Variants in LRP1 observed in about 807,000 individuals in gnomAD.
The protein encoded by LRP1 is LDL receptor related protein 1.
In LRP1, 51 loss-of-function variants were observed where a neutral mutation model predicts 541.5. The observed-to-expected ratio is 0.09, with a 90% CI of 0.08 to 0.12. LRP1 has a LOEUF of 0.12. LRP1 is among the 10% of genes least tolerant of loss of function. The pLI, the probability that LRP1 is intolerant of heterozygous loss-of-function variation, is 1.00. For missense variants in LRP1, 3,878 were observed against 6,376.2 expected (o/e 0.61, Z 13.34); for synonymous variants, 2,219 against 2,470.8 (o/e 0.90, Z 3.02).
In LRP1 at chr12:57,177,644, G is replaced by A. The variant is rs2036074784; in HGVS notation, c.4361+53G>A. On this transcript the variant is annotated intron_variant, in intron 26 of 88. Transcript: ENST00000243077. This position sits in a 1 kb window ranked among gnomAD's most constrained non-coding sequence, Gnocchi z 6.8. ...CCCAAGTCTGTGGCACCAGGACGGGGTGGGGAGGAACCTGTGGTGATGAGG... is the reference window on the plus strand; with the variant it reads ...CCCAAGTCTGTGGCACCAGGACGGGATGGGGAGGAACCTGTGGTGATGAGG... The A allele has an allele frequency of 6.3e-7, 1 of 1,595,244 alleles. No individual in the cohort carries two copies. The highest frequency in any genetic ancestry group is 2.2e-5 in the East Asian group (1 of 44,446).
Position 57,159,881 on chromosome 12 carries a change from A to G in LRP1, c.1855A>G (p.Thr619Ala). The G allele has an allele frequency of 6.2e-7, 1 of 1,614,136 alleles. No individual in the cohort carries two copies. Among genetic ancestry groups the G allele is most frequent in the Non-Finnish European group, 8.5e-7 (1 of 1,180,018 alleles). The stretch of plus-strand genomic sequence containing the variant: ...CTGGATGGGAGACAATCTGTACTGG[A>G]CGGACGATGGGCCCAAAAAGACAAT... ...VDWMGDNLYW[T>A]DDGPKKTISV... The change falls in exon 12 of 89, where the codon ACG (threonine) becomes GCG (alanine). Residue 619 changes from threonine to alanine, a missense_variant. Thr to Ala is a moderately conservative substitution (Grantham distance 58). Transcript: ENST00000243077.
In LRP1 at chr12:57,200,015, C is replaced by T. The variant is rs1232318740; in HGVS notation, c.10004C>T (p.Thr3335Met). Residue 3335 changes from threonine (T) to methionine (M), a missense_variant, in exon 62 of 89, where the codon ACG (threonine) becomes ATG (methionine). Physicochemically the swap from Thr to Met is moderately conservative, Grantham distance 81 (BLOSUM62 -1). Transcript: ENST00000243077. Reference protein sequence around the residue: ...SDGRTCVSNCTASQFVCKNDK... With the variant: ...SDGRTCVSNCMASQFVCKNDK... ...GGGCGCACCTGTGTGTCCAACTGCA[C>T]GGCTAGCCAGGTGAGGCTGTCCCCC... is the stretch of plus-strand genomic sequence containing the variant. The T allele has an allele frequency of 3.1e-6, 5 of 1,592,762 alleles. No homozygotes were observed. Among genetic ancestry groups the T allele is most frequent in the Admixed American group, 1.9e-5 (1 of 52,648 alleles).
At chr12:57,157,055 AG>A in intron 10 of LRP1, 135 bp downstream of exon 10, 1 of 1,137,508 alleles carries the variant, frequency 8.8e-7, no homozygotes, top group East Asian at 2.7e-5. Context: ...CCTGCTAGTG[AG>A]GGCAGAGATG....
Position 57,192,958 on chromosome 12 carries a change from C to T in LRP1, c.7543C>T (p.Leu2515Phe), listed in dbSNP as rs1194750508. The T allele has an allele frequency of 2.5e-6, 4 of 1,613,542 alleles. No individual in the cohort carries two copies. Among genetic ancestry groups the T allele is most frequent in the South Asian group, 1.1e-5 (1 of 91,084 alleles). ...AGGGGGCCGAATCCTCCAGGATGAC[C>T]TCACCTGCCGAGGTGAGAGAGGCGG... ...CRGGRILQDD[L>F]TCRAVNSSCR... The change falls in exon 45 of 89, where the codon CTC becomes TTC. Residue 2515 changes from leucine (L) to phenylalanine (F), a missense_variant. By Grantham distance (22) the Leu-to-Phe change is conservative (BLOSUM62 0). Around this residue, in one of 13 missense-constraint regions of LRP1, gnomAD observed 1,100 missense variants for 1,827.4 expected, o/e 0.60. Transcript: ENST00000243077.
intron 41 of LRP1, among the ~76,000 whole-genome samples, chr12:57,186,158 G>T (rs1208236877): frequency 6.6e-6 from 1 of 152,170 alleles, no homozygotes; most frequent in Non-Finnish European, 1.5e-5. Flanking sequence ...TCTCTGTGGA[G>T]CCCAACGCTC....
Position 57,178,622 on chromosome 12 carries a change from C to T in LRP1, c.4606+19C>T, listed in dbSNP as rs769460016. The T allele has an allele frequency of 1.3e-5, 21 of 1,613,530 alleles. No individual in the cohort carries two copies. Among genetic ancestry groups the T allele is most frequent in the South Asian group, 8.8e-5 (8 of 91,078 alleles). ...CCCATGGGTAAGGGGCTCGGGGCCTCGAGCAGCCGGAAGGGAGCCAGCAGC... is the reference window on the plus strand; with the variant it reads ...CCCATGGGTAAGGGGCTCGGGGCCTTGAGCAGCCGGAAGGGAGCCAGCAGC... On this transcript the variant is annotated intron_variant, in intron 27 of 88. Transcript: ENST00000243077. This position sits in a 1 kb window ranked among gnomAD's most constrained non-coding sequence, Gnocchi z 5.8.
chr12:57,182,856 A>G (rs2036193242), intron 34 of LRP1, among the ~76,000 whole-genome samples: 3 of 152,172 alleles, frequency 2.0e-5, no homozygotes. Context: ...AAAGAAAAGA[A>G]AAAGAAATGG....
intron 82 of LRP1, 106 bp from the exon 83 acceptor site, chr12:57,210,612 C>G (rs1298585432): frequency 2.1e-6 from 3 of 1,459,270 alleles, no homozygotes; most frequent in East Asian, 2.3e-5. Context: ...AGCATCCAGT[C>G]ACTCCAGTCT....
chr12:57,141,390 C>T lies in LRP1; in HGVS notation c.207C>T (p.Ala69=). The change falls in exon 3 of 89, where the codon GCC becomes GCT. Residue 69 remains alanine (A), a synonymous_variant. Coordinates refer to ENST00000243077, the MANE Select transcript of LRP1 (RefSeq NM_002332.3). ...TGCCCTCAGGTCCACAGAGTAAGGC[C>T]CAGCGATGCCAGCCAAACGAGCATA... is the stretch of plus-strand genomic sequence containing the variant. ...EAPEICPQSK[A]QRCQPNEHNC... The T allele has an allele frequency of 6.2e-7, 1 of 1,614,142 alleles. No individual in the cohort carries two copies. Among genetic ancestry groups the T allele is most frequent in the Non-Finnish European group, 8.5e-7 (1 of 1,180,016 alleles).
Position 57,200,826 on chromosome 12 carries a change from G to GGCCCCCCCCCCCCCCCCCCTT in LRP1, c.10225+11_10225+12insGCCCCCCCCCCCCCCCCCCTT. On this transcript the variant is annotated intron_variant, in intron 64 of 88. Transcript: ENST00000243077. ...ACGAGGCCAACTGTGGTAAGGCGCT[G>GGCCCCCCCCCCCCCCCCCCTT]CCCGCCCACCCTCCCTCCTTCCCCA... The GGCCCCCCCCCCCCCCCCCCTT allele has an allele frequency of 6.3e-7, 1 of 1,581,434 alleles. No individual in the cohort carries two copies. Among genetic ancestry groups the GGCCCCCCCCCCCCCCCCCCTT allele is most frequent in the Non-Finnish European group, 8.6e-7 (1 of 1,157,678 alleles).
At position 57,162,910 on chromosome 12, in the gene LRP1, G is replaced by A. The variant is rs768914114; in HGVS notation, c.2457G>A (p.Leu819=). 1.2e-6 allele frequency: 2 copies of A among 1,609,108 alleles called. No homozygotes were observed. The highest frequency in any genetic ancestry group is 1.7e-6 in the Non-Finnish European group (2 of 1,178,852). ...ATGGCGGCTGCAGCAGCCTGTGCTT[G>A]GCCACCCCTGGGAGCCGCCAGTGCG... ...VNNGGCSSLC[L]ATPGSRQCAC... is the part of the protein sequence containing the mutation. Residue 819 remains leucine (L), a synonymous_variant, in exon 15 of 89, where the codon TTG becomes TTA. Coordinates refer to ENST00000243077, the MANE Select transcript of LRP1 (RefSeq NM_002332.3). The surrounding 1 kb of genome is among the most constrained non-coding windows in gnomAD (Gnocchi z 5.2).
At chr12:57,148,882 A>G (rs2035469800) in intron 6 of LRP1, 2 of 516,020 alleles carry the variant, frequency 3.9e-6, no homozygotes, top group African/African-American at 4.0e-5. Flanking sequence ...AAGGGCCCCT[A>G]GGCTGCAGGC....
In LRP1 at chr12:57,212,788, G is replaced by T; in HGVS notation, c.*233G>T. 2.0e-6 allele frequency: 1 copy of T among 507,202 alleles called. No individual in the cohort carries two copies. Among genetic ancestry groups the T allele is most frequent in the African/African-American group, 2.0e-5 (1 of 50,946 alleles). 31.4% of individuals were successfully genotyped at this position (507,202 alleles called of 1,614,324 possible). On this transcript the variant is annotated 3_prime_UTR_variant, in exon 89 of 89. Coordinates refer to ENST00000243077, the MANE Select transcript of LRP1 (RefSeq NM_002332.3). The surrounding 1 kb of genome is among the most constrained non-coding windows in gnomAD (Gnocchi z 5.0). Reference sequence around the variant, plus strand: ...CCCCCATGCTGCCTTCAGGGAGACAGGCAGGGAGGGCTTGGGGCTGCACCT... The same window carrying T: ...CCCCCATGCTGCCTTCAGGGAGACATGCAGGGAGGGCTTGGGGCTGCACCT...
At chr12:57,196,647 G>A (rs2036539337) in intron 55 of LRP1, among the ~76,000 whole-genome samples, 1 of 152,146 alleles carries the variant, frequency 6.6e-6, no homozygotes, top group Admixed American at 6.5e-5. Flanking sequence ...GAGAAGAGAG[G>A]AGTCCAAAGT....
intron 69 of LRP1, 40 bp from the exon 70 acceptor site, chr12:57,203,349 G>A: frequency 6.3e-7 from 1 of 1,588,590 alleles, no homozygotes; most frequent in Non-Finnish European, 8.6e-7. Context: ...GGCTTGGGGA[G>A]TGCCGAGAGG....
rs2036722127 is a variant in LRP1 at position 57,204,312 on chromosome 12, G to A, written c.10952-98G>A. 3.7e-6 allele frequency: 5 copies of A among 1,357,046 alleles called. No homozygotes were observed. The South Asian group carries it at 1.0e-4, about 27-fold the overall frequency. 84.1% of individuals were successfully genotyped at this position (1,357,046 alleles called of 1,614,324 possible). A position where few individuals can be genotyped will look rare whatever the true frequency, so the allele number is the denominator to read the frequency against. On this transcript the variant is annotated intron_variant, in intron 70 of 88. Coordinates refer to ENST00000243077, the MANE Select transcript of LRP1 (RefSeq NM_002332.3). The surrounding 1 kb of genome is among the most constrained non-coding windows in gnomAD (Gnocchi z 5.3). The stretch of plus-strand genomic sequence containing the variant: ...TTCCAATTTGGCTGTGCCACTGCTT[G>A]CCTGGTGACCCCTCTGAGCCTGGAA...
chr12:57,135,564 T>G (rs749091183), intron 1 of LRP1, among the ~76,000 whole-genome samples: 1 of 152,204 alleles, frequency 6.6e-6, no homozygotes, highest in African/African-American at 2.4e-5. Flanking sequence ...CGCTCCAGAT[T>G]CCTGGGCCCT....
chr12:57,165,684 A>G lies in LRP1; in HGVS notation c.2531-121A>G, dbSNP rs945419917. ...TTTGTTTCATGAGGAATTTTGTACTAGAAAAAATTACTTTGTATTATTAAA... is the reference window on the plus strand; with the variant it reads ...TTTGTTTCATGAGGAATTTTGTACTGGAAAAAATTACTTTGTATTATTAAA... On this transcript the variant is annotated intron_variant, in intron 15 of 88. Transcript: ENST00000243077. The surrounding 1 kb of genome is among the most constrained non-coding windows in gnomAD (Gnocchi z 4.5). The G allele has an allele frequency of 1.1e-5, 11 of 981,052 alleles. No homozygotes were observed. In the African/African-American group the frequency reaches 1.7e-4, roughly 15 times the overall value. The allele number at this position is 981,052 out of a possible 1,614,324, so 60.8% of individuals were successfully genotyped here. A position where few individuals can be genotyped will look rare whatever the true frequency, so the allele number is the denominator to read the frequency against.
chr12:57,191,855 ACCACATACACAC>A (rs2036397047), intron 44 of LRP1, among the ~76,000 whole-genome samples: 1 of 40,168 alleles, frequency 2.5e-5, no homozygotes, highest in African/African-American at 1.3e-4. Flanking sequence ...CACACCACAC[ACCACATACACAC>A]CACACATACC....
Sources: allele counts gnomAD v4.1 joint callset (sites outside exome capture counted in the v4.1 genomes callset), GRCh38; gene constraint gnomAD v4.1.1; regional missense constraint gnomAD v4.1.1; non-coding constraint Gnocchi (gnomAD v3.1); transcripts MANE v1.5; gene names NCBI Gene and HGNC (gene_info 2026-07-23, HGNC 2026-07-21).